CYTH1: variants seen among roughly 807,000 people sequenced by gnomAD.
CYTH1 encodes the protein cytohesin-1.
Under a neutral mutation model 61.8 loss-of-function variants are expected in CYTH1, and 18 were observed. The observed-to-expected ratio is 0.29, with a 90% CI of 0.20 to 0.43. CYTH1 has a LOEUF of 0.43. Among genes scored for constraint, CYTH1 ranks in the 20% least tolerant of loss-of-function variants. The pLI is 1.00. For missense variants in CYTH1, 336 were observed against 510.5 expected (o/e 0.66, Z 3.29); for synonymous variants, 174 against 184.3 (o/e 0.94, Z 0.45).
At chr17:78,747,401 TC>T (rs2093363863) in intron 1 of CYTH1, among the ~76,000 whole-genome samples, 4 of 152,198 alleles carry the variant, frequency 2.6e-5, no homozygotes, top group African/African-American at 9.6e-5. Flanking sequence ...TCTTGAAGGA[TC>T]TAGAGGTCAA....
intron 9 of CYTH1, 57 bp from the exon 10 acceptor site, chr17:78,696,066 G>C (rs374187310): frequency 7.3e-7 from 1 of 1,366,384 alleles, no homozygotes; most frequent in Non-Finnish European, 9.8e-7. Context: ...ACAAATGAGG[G>C]AGAAAAGAAA....
chr17:78,756,158 C>T (rs547150293), intron 1 of CYTH1, among the ~76,000 whole-genome samples: 4 of 151,330 alleles, frequency 2.6e-5, no homozygotes, highest in East Asian at 2.0e-4. Context: ...TCACTGCAAC[C>T]GTCACACCCT....
At chr17:78,762,181 C>T (rs77513206) in intron 1 of CYTH1, among the ~76,000 whole-genome samples, 1,631 of 152,302 alleles carry the variant, frequency 0.011, 33 homozygotes, top group African/African-American at 0.037. Context: ...AGTACAAAAA[C>T]ATTCCTAAGA....
At chr17:78,703,100 A>G (rs558455604) in intron 3 of CYTH1, among the ~76,000 whole-genome samples, 1 of 149,830 alleles carries the variant, frequency 6.7e-6, no homozygotes, top group South Asian at 2.3e-4. Flanking sequence ...TTCTTTTTTT[A>G]ACATGATTTT....
chr17:78,737,622 A>C (rs2093325859), intron 1 of CYTH1, among the ~76,000 whole-genome samples: 1 of 151,660 alleles, frequency 6.6e-6, no homozygotes, highest in Non-Finnish European at 1.5e-5. Flanking sequence ...AAAAAAATCC[A>C]AGGGCCAAAC....
intron 1 of CYTH1, among the ~76,000 whole-genome samples, chr17:78,775,126 A>C (rs1055933825): frequency 1.3e-5 from 2 of 152,160 alleles, no homozygotes; most frequent in Non-Finnish European, 2.9e-5. Context: ...TCCACAGACC[A>C]CAGGGTTAGT....
chr17:78,737,925 C>T (rs2093327556), intron 1 of CYTH1, among the ~76,000 whole-genome samples: 1 of 151,552 alleles, frequency 6.6e-6, no homozygotes, highest in African/African-American at 2.4e-5. Context: ...CGTTTTATAG[C>T]TACTTATTTT....
At chr17:78,723,753 C>T (rs890662127) in intron 1 of CYTH1, 1 of 152,422 alleles carries the variant, frequency 6.6e-6, no homozygotes, top group Non-Finnish European at 1.5e-5. Flanking sequence ...AGAATGCCAA[C>T]CTTACTCCAG....
chr17:78,748,794 C>T (rs773048244), intron 1 of CYTH1, among the ~76,000 whole-genome samples: 28 of 152,190 alleles, frequency 1.8e-4, no homozygotes, highest in Non-Finnish European at 2.9e-4. Flanking sequence ...TACAGGAGCA[C>T]TGCAGATCCC....
chr17:78,757,156 G>A (rs2093405041), intron 1 of CYTH1, among the ~76,000 whole-genome samples: 1 of 151,850 alleles, frequency 6.6e-6, no homozygotes, highest in African/African-American at 2.4e-5. Context: ...CACTGTGTTA[G>A]CCAGGATGGT....
intron 2 of CYTH1, 29 bp downstream of exon 2, chr17:78,709,621 T>C (rs368155532): frequency 1.5e-5 from 24 of 1,610,872 alleles, no homozygotes; most frequent in South Asian, 6.6e-5. Context: ...GGTTCTTACG[T>C]TGGTGAAACC....
At chr17:78,695,063 C>T (rs1205077514) in intron 10 of CYTH1, among the ~76,000 whole-genome samples, 1 of 152,056 alleles carries the variant, frequency 6.6e-6, no homozygotes, top group Non-Finnish European at 1.5e-5. Context: ...AACAACCTGA[C>T]AAGTCCCTGA....
At chr17:78,688,450 A>G (rs1381107905) in intron 11 of CYTH1, among the ~76,000 whole-genome samples, 1 of 152,200 alleles carries the variant, frequency 6.6e-6, no homozygotes, top group Non-Finnish European at 1.5e-5. Flanking sequence ...TTGTGCCTCA[A>G]TATCTGCTGC....
intron 1 of CYTH1, among the ~76,000 whole-genome samples, chr17:78,771,239 G>A (rs944947897): frequency 6.6e-6 from 1 of 151,900 alleles, no homozygotes; most frequent in Non-Finnish European, 1.5e-5. Flanking sequence ...GCCAGCCTGG[G>A]CAATAGAGCA....
intron 1 of CYTH1, among the ~76,000 whole-genome samples, chr17:78,748,651 CA>C (rs1238183675): frequency 2.0e-5 from 3 of 151,880 alleles, no homozygotes; most frequent in Admixed American, 1.3e-4. Context: ...GAATTTTTAC[CA>C]AAAAATTCCA....
rs547065237 is a variant in CYTH1 at position 78,711,261 on chromosome 17, CAAATAAAT to C, written c.23-1537_23-1530del. ...TGGGAGACAGTACAAGACTCCATCT[CAAATAAAT>C]AAATAAATAAATAAATAAATAAATA... On this transcript the variant is annotated intron_variant, in intron 1 of 13. Coordinates refer to ENST00000446868, the MANE Select transcript of CYTH1 (RefSeq NM_004762.6). Among the ~76,000 whole-genome samples the C allele has an allele frequency of 5.0e-3, 712 of 141,516 alleles. 5 individuals are homozygous for C. The highest frequency in any genetic ancestry group is 0.033 in the East Asian group (163 of 4,928). 92.8% of individuals were successfully genotyped at this position (141,516 alleles called of 152,430 possible).
intron 1 of CYTH1, among the ~76,000 whole-genome samples, chr17:78,765,648 CTAAACAGAAGGTT>C (rs2144732749): frequency 6.6e-6 from 1 of 152,218 alleles, no homozygotes; most frequent in Admixed American, 6.5e-5. Flanking sequence ...GCTGTCCTGA[CTAAACAGAAGGTT>C]TAGTCAGGAT....
chr17:78,761,923 T>C (rs932704147), intron 1 of CYTH1, among the ~76,000 whole-genome samples: 2 of 152,094 alleles, frequency 1.3e-5, no homozygotes, highest in African/African-American at 4.8e-5. Flanking sequence ...CTATTCTGAG[T>C]GGAAATTAAA....
chr17:78,681,090 A>G (rs1254112710), intron 11 of CYTH1, 48 bp from the exon 12 acceptor site: 6 of 1,579,836 alleles, frequency 3.8e-6, no homozygotes, highest in Non-Finnish European at 5.2e-6. Context: ...GTTTAAGGAC[A>G]CACACTGTCA....
Sources: gnomAD v4.1 joint callset for allele counts (sites outside exome capture counted in the v4.1 genomes callset) on GRCh38, gnomAD v4.1.1 for gene constraint, MANE v1.5 for transcripts, NCBI Gene and HGNC (gene_info 2026-07-23, HGNC 2026-07-21) for gene names.